The following CHRM3 variants were observed in gnomAD, a reference collection of about 807,000 sequenced individuals.
CHRM3 encodes muscarinic acetylcholine receptor M3.
A neutral mutation model predicts 41.8 loss-of-function variants in CHRM3; 11 were observed. That is an observed-to-expected ratio of 0.26 (90% confidence interval 0.17 to 0.44). CHRM3 has a LOEUF of 0.44. Among genes scored for constraint, CHRM3 ranks in the 20% least tolerant of loss-of-function variants. The probability of loss-of-function intolerance (pLI) is 1.00; values close to 1 mark genes in which losing one functional copy is unlikely to be tolerated. For synonymous variants in CHRM3, 297 were observed against 301.4 expected, an observed-to-expected ratio of 0.99 and a Z score of 0.15; for missense variants, 571 against 745.4, an observed-to-expected ratio of 0.77 and a Z score of 2.72.
rs1203711226 is a variant in CHRM3, at chr1:239,464,290, A to AT, written c.-520-28419_-520-28418insT. 1.9e-3 allele frequency among the ~76,000 whole-genome samples: 292 copies of AT among 152,030 alleles called. 2 individuals are homozygous for AT. Among genetic ancestry groups the AT allele is most frequent in the Non-Finnish European group, 3.2e-3 (217 of 67,948 alleles). On this transcript the variant is annotated intron_variant, in intron 1 of 6. Coordinates refer to ENST00000676153, the MANE Select transcript of CHRM3 (RefSeq NM_001375978.1). ...GTGAGACCCTGTCTCAAAAAAAAAA[A>AT]AAAAAAAAGTTCAGCTGTCACCTGT...
chr1:239,663,447 G>A (rs900808789), intron 4 of CHRM3, among the ~76,000 whole-genome samples: 2 of 152,138 alleles, frequency 1.3e-5, no homozygotes, highest in Admixed American at 1.3e-4. Flanking sequence ...GACAACCAAC[G>A]GAAGGAAATC....
In CHRM3 at chr1:239,732,846, TTAGA is replaced by T. The variant is rs558282158; in HGVS notation, c.-147+54561_-147+54564del. On this transcript the variant is annotated intron_variant, in intron 5 of 6. Transcript: ENST00000676153. ...TAGATAAGTATACCTAATATCTCAC[TTAGA>T]TAAGTATACCTAATATCTCATTTAG... is the stretch of plus-strand genomic sequence containing the variant. Among the ~76,000 whole-genome samples the T allele has an allele frequency of 6.0e-4, 87 of 144,588 alleles. 2 individuals carry two copies. Among genetic ancestry groups the T allele is most frequent in the African/African-American group, 2.1e-3 (85 of 40,212 alleles). The allele number at this position is 144,588 out of a possible 152,430, so 94.9% of individuals were successfully genotyped here.
chr1:239,682,096 A>C (rs1658625910), intron 5 of CHRM3, among the ~76,000 whole-genome samples: 1 of 152,252 alleles, frequency 6.6e-6, no homozygotes, highest in Non-Finnish European at 1.5e-5. Context: ...TTTGGAATAA[A>C]AATGGGGGCC....
chr1:239,436,889 CCTAT>C (rs1216881566), intron 1 of CHRM3, among the ~76,000 whole-genome samples: 4 of 151,910 alleles, frequency 2.6e-5, no homozygotes, highest in Non-Finnish European at 5.9e-5. Flanking sequence ...GGTGCTTTTG[CCTAT>C]CTATTTTCTG....
At chr1:239,901,510 T>C (rs1034515345) in intron 6 of CHRM3, among the ~76,000 whole-genome samples, 1 of 152,178 alleles carries the variant, frequency 6.6e-6, no homozygotes. Flanking sequence ...CTAAAGGTGG[T>C]ATCTGTCTAT....
intron 3 of CHRM3, among the ~76,000 whole-genome samples, chr1:239,618,562 T>A (rs939238506): frequency 6.6e-6 from 1 of 151,818 alleles, no homozygotes; most frequent in Non-Finnish European, 1.5e-5. Context: ...ATAGTCAAGA[T>A]GGCCGGGCGC....
intron 1 of CHRM3, among the ~76,000 whole-genome samples, chr1:239,457,662 G>A (rs950031064): frequency 1.3e-5 from 2 of 152,136 alleles, no homozygotes; most frequent in African/African-American, 4.8e-5. Flanking sequence ...GGGCTTTTGA[G>A]TGGATAAAAG....
At chr1:239,787,739 C>T (rs890625500) in intron 5 of CHRM3, among the ~76,000 whole-genome samples, 1 of 152,082 alleles carries the variant, frequency 6.6e-6, no homozygotes. Flanking sequence ...AAATTACAGC[C>T]CTGTCATTTA....
intron 6 of CHRM3, among the ~76,000 whole-genome samples, chr1:239,899,542 G>A (rs977213217): frequency 6.7e-5 from 10 of 148,942 alleles, no homozygotes; most frequent in East Asian, 2.0e-4. Flanking sequence ...GCCAATTAGC[G>A]GACCAATTAG....
chr1:239,792,685 C>G (rs896222696), intron 5 of CHRM3, among the ~76,000 whole-genome samples: 2 of 152,114 alleles, frequency 1.3e-5, no homozygotes, highest in African/African-American at 4.8e-5. Context: ...GACCTTAGGA[C>G]TTGAATGAAT....
rs12036754 is a variant in CHRM3 at position 239,780,957 on chromosome 1, A to G, written c.-146-46295A>G. ...ATGTGGGCCTATTTCTGGGCTCTCT[A>G]TTTTGTTTTATTAATCTGTCTGTCC... On this transcript the variant is annotated intron_variant, in intron 5 of 6. Transcript: ENST00000676153. Among the ~76,000 whole-genome samples the G allele has an allele frequency of 7.6e-4, 116 of 152,008 alleles. 1 individual carries two copies. In the East Asian group the frequency reaches 0.02, roughly 26 times the overall value.
chr1:239,720,826 A>C (rs1662895359), intron 5 of CHRM3, among the ~76,000 whole-genome samples: 1 of 151,956 alleles, frequency 6.6e-6, no homozygotes, highest in African/African-American at 2.4e-5. Flanking sequence ...AATGAAAATA[A>C]GAGCAAGTGA....
At chr1:239,685,702 G>T (rs1312227823) in intron 5 of CHRM3, among the ~76,000 whole-genome samples, 1 of 152,072 alleles carries the variant, frequency 6.6e-6, no homozygotes, top group Non-Finnish European at 1.5e-5. Context: ...TGTGCTCATA[G>T]TCCCAGCTAC....
chr1:239,763,528 T>G (rs1666967480), intron 5 of CHRM3, among the ~76,000 whole-genome samples: 2 of 152,156 alleles, frequency 1.3e-5, no homozygotes, highest in African/African-American at 2.4e-5. Flanking sequence ...TCTACAATAC[T>G]ATGTAGAACA....
intron 5 of CHRM3, among the ~76,000 whole-genome samples, chr1:239,679,412 A>G (rs1658341641): frequency 6.6e-6 from 1 of 152,110 alleles, no homozygotes; most frequent in Non-Finnish European, 1.5e-5. Flanking sequence ...CTACTTAACA[A>G]TGGCCTTGGG....
At chr1:239,529,556 G>A (rs1461059517) in intron 2 of CHRM3, among the ~76,000 whole-genome samples, 1 of 143,584 alleles carries the variant, frequency 7.0e-6, no homozygotes, top group Non-Finnish European at 1.5e-5. Flanking sequence ...AGGTTGCAGT[G>A]AGCCAAGATC....
At chr1:239,896,259 C>A (rs1357821519) in intron 6 of CHRM3, among the ~76,000 whole-genome samples, 1 of 152,152 alleles carries the variant, frequency 6.6e-6, no homozygotes, top group Non-Finnish European at 1.5e-5. Flanking sequence ...AGTCTTATTC[C>A]TCAAGACTCA....
intron 3 of CHRM3, among the ~76,000 whole-genome samples, chr1:239,567,229 A>G (rs560317291): frequency 1.4e-4 from 22 of 151,728 alleles, no homozygotes; most frequent in Admixed American, 1.2e-3. Context: ...TGTCCCAGCT[A>G]TGGAGGCTGA....
chr1:239,887,371 T>C (rs556317769), intron 6 of CHRM3, among the ~76,000 whole-genome samples: 1 of 152,184 alleles, frequency 6.6e-6, no homozygotes, highest in South Asian at 2.1e-4. Flanking sequence ...ATGGATAATT[T>C]TTGTATTTCT....
Sources: gnomAD v4.1 joint callset for allele counts (sites outside exome capture counted in the v4.1 genomes callset) on GRCh38, gnomAD v4.1.1 for gene constraint, MANE v1.5 for transcripts, NCBI Gene and HGNC (gene_info 2026-07-23, HGNC 2026-07-21) for gene names.